The following ERBB4 variants were observed in gnomAD, a reference collection of about 807,000 sequenced individuals.
ERBB4 encodes the protein erb-b2 receptor tyrosine kinase 4, also known as receptor tyrosine-protein kinase erbB-4.
In ERBB4, 42 loss-of-function variants were observed where a neutral mutation model predicts 158.0. The observed-to-expected ratio is 0.27, with a 90% CI of 0.21 to 0.34. The LOEUF is 0.34. Ranked by LOEUF, ERBB4 falls within the 10% of genes least tolerant of loss-of-function variation. The probability of loss-of-function intolerance (pLI) is 1.00; values close to 1 mark genes in which losing one functional copy is unlikely to be tolerated. For missense variants in ERBB4, 1,333 were observed against 1,624.1 expected, an observed-to-expected ratio of 0.82 and a Z score of 3.08; for synonymous variants, 583 against 558.7, an observed-to-expected ratio of 1.04 and a Z score of -0.61.
At chr2:212,034,667 TG>T (rs1438908561) in intron 2 of ERBB4, among the ~76,000 whole-genome samples, 1 of 152,090 alleles carries the variant, frequency 6.6e-6, no homozygotes, top group African/African-American at 2.4e-5. Flanking sequence ...AATAAAAGCT[TG>T]GGGGAAACAG....
At chr2:212,415,746 A>G (rs1009457484) in intron 1 of ERBB4, among the ~76,000 whole-genome samples, 1 of 152,108 alleles carries the variant, frequency 6.6e-6, no homozygotes, top group Non-Finnish European at 1.5e-5. Flanking sequence ...TATCACCACA[A>G]TATTTTCTTA....
At chr2:211,480,438 A>G (rs1034508020) in intron 20 of ERBB4, among the ~76,000 whole-genome samples, 11 of 152,068 alleles carry the variant, frequency 7.2e-5, no homozygotes, top group Non-Finnish European at 1.5e-4. Context: ...GTTGTTTGAA[A>G]GTGTGTAGCA....
intron 20 of ERBB4, among the ~76,000 whole-genome samples, chr2:211,515,912 A>ATATATATATATATTTTTT (rs35696520): frequency 9.9e-4 from 78 of 78,968 alleles, no homozygotes; most frequent in African/African-American, 4.4e-3. Context: ...ATATATATAT[A>ATATATATATATATTTTTT]TTTTTTTTTT....
At chr2:212,309,713 A>T (rs2086953808) in intron 1 of ERBB4, among the ~76,000 whole-genome samples, 1 of 150,462 alleles carries the variant, frequency 6.6e-6, no homozygotes, top group African/African-American at 2.4e-5. Flanking sequence ...TCTCTGCTGC[A>T]AATCTGTGTC....
rs1242566171 is a variant in ERBB4, at chr2:212,413,445, CTGTTA to C, written c.82+124999_82+125003del. On this transcript the variant is annotated intron_variant, in intron 1 of 27. Transcript: ENST00000342788. ...AACACAGAATGTTAAAATTTCTCCT[CTGTTA>C]TATTTCATTTATTTAATTGGATAAG... Among the ~76,000 whole-genome samples, 11 of 152,200 alleles carry C rather than the reference CTGTTA, an allele frequency of 7.2e-5. No homozygotes were observed. The East Asian group carries it at 9.7e-4, about 13-fold the overall frequency.
intron 1 of ERBB4, among the ~76,000 whole-genome samples, chr2:212,464,926 AC>A (rs1553644445): frequency 1.4e-5 from 2 of 144,610 alleles, no homozygotes; most frequent in Non-Finnish European, 3.1e-5. Flanking sequence ...ACACACACAC[AC>A]CCCTTAGAAA....
At chr2:211,592,438 A>G (rs1252540952) in intron 19 of ERBB4, among the ~76,000 whole-genome samples, 1 of 152,192 alleles carries the variant, frequency 6.6e-6, no homozygotes, top group Non-Finnish European at 1.5e-5. Flanking sequence ...AAAACGGGGT[A>G]GTAAAAACAA....
At chr2:211,922,229 G>A (rs2079875342) in intron 3 of ERBB4, among the ~76,000 whole-genome samples, 1 of 152,004 alleles carries the variant, frequency 6.6e-6, no homozygotes, top group Non-Finnish European at 1.5e-5. Context: ...AAATGCAAAT[G>A]GAGAACTGAA....
chr2:212,101,356 T>TATATATATAC (rs2079077455), intron 2 of ERBB4, among the ~76,000 whole-genome samples: 1 of 149,146 alleles, frequency 6.7e-6, no homozygotes. Flanking sequence ...TATACATATA[T>TATATATATAC]ATATATATAT....
intron 3 of ERBB4, among the ~76,000 whole-genome samples, chr2:211,899,827 G>A (rs1448288936): frequency 6.6e-6 from 1 of 152,042 alleles, no homozygotes; most frequent in Non-Finnish European, 1.5e-5. Flanking sequence ...TGTTGAAAGT[G>A]GTTACTGTTA....
intron 1 of ERBB4, among the ~76,000 whole-genome samples, chr2:212,238,870 C>G (rs1375818080): frequency 6.6e-6 from 1 of 151,792 alleles, no homozygotes; most frequent in African/African-American, 2.4e-5. Flanking sequence ...CTTAAAGAAT[C>G]TGAAATGTAA....
At chr2:212,202,035 CAACATTCATGAAATGTTTGCTAAATG>C (rs1431576032) in intron 1 of ERBB4, among the ~76,000 whole-genome samples, 2 of 152,114 alleles carry the variant, frequency 1.3e-5, no homozygotes, top group Non-Finnish European at 1.5e-5. Flanking sequence ...ACAATAATAG[CAACATTCATGAAATGTTTGCTAAATG>C]AATACCAATT....
At chr2:211,487,063 T>C (rs2065224245) in intron 20 of ERBB4, among the ~76,000 whole-genome samples, 1 of 151,716 alleles carries the variant, frequency 6.6e-6, no homozygotes. Flanking sequence ...TTGTTACATA[T>C]GTATACATGT....
At chr2:212,208,045 G>A (rs2082820557) in intron 1 of ERBB4, among the ~76,000 whole-genome samples, 1 of 152,064 alleles carries the variant, frequency 6.6e-6, no homozygotes, top group Non-Finnish European at 1.5e-5. Flanking sequence ...ATAAAAAACA[G>A]CTACTGAACA....
chr2:212,370,827 C>T (rs193193502), intron 1 of ERBB4, among the ~76,000 whole-genome samples: 26 of 152,216 alleles, frequency 1.7e-4, no homozygotes, highest in African/African-American at 6.3e-4. Context: ...AATGATAACT[C>T]TTTACCTTTA....
chr2:211,861,014 ATT>A (rs1491410299), intron 3 of ERBB4, among the ~76,000 whole-genome samples: 2 of 10,632 alleles, frequency 1.9e-4, no homozygotes, highest in Non-Finnish European at 1.4e-4. Flanking sequence ...ATATTTATAT[ATT>A]TATATATATA....
chr2:211,923,564 T>C lies in ERBB4; in HGVS notation c.421+23866A>G, dbSNP rs191512629. ...TGAGATGGTGTTGGAGATTATGCCT[T>C]GTGCTGCCTTGCTGAGTGCAGAAAA... On this transcript the variant is annotated intron_variant, in intron 3 of 27. Transcript: ENST00000342788. 8.7e-4 allele frequency among the ~76,000 whole-genome samples: 133 copies of C among 152,200 alleles called. 1 individual carries two copies. Among genetic ancestry groups the C allele is most frequent in the African/African-American group, 3.1e-3 (127 of 41,548 alleles).
At chr2:212,055,413 C>T (rs549873649) in intron 2 of ERBB4, among the ~76,000 whole-genome samples, 2 of 152,330 alleles carry the variant, frequency 1.3e-5, no homozygotes, top group African/African-American at 4.8e-5. Flanking sequence ...CCCTGTCTGA[C>T]AGCTTTGAAG....
At chr2:212,521,637 G>GCATTTTAT (rs1376495148) in intron 1 of ERBB4, among the ~76,000 whole-genome samples, 85 of 141,964 alleles carry the variant, frequency 6.0e-4, no homozygotes, top group African/African-American at 2.2e-3. Context: ...CTATGTACCT[G>GCATTTTAT]ATGCTATTTT....
Sources: gnomAD v4.1 joint callset for allele counts (sites outside exome capture counted in the v4.1 genomes callset) on GRCh38, gnomAD v4.1.1 for gene constraint, MANE v1.5 for transcripts, NCBI Gene and HGNC (gene_info 2026-07-23, HGNC 2026-07-21) for gene names.